The following NXPE2 variants were observed in gnomAD, a reference collection of about 807,000 sequenced individuals.
NXPE2 encodes NXPE family member 2.
Under a neutral mutation model 34.4 loss-of-function variants are expected in NXPE2, and 34 were observed. That is an observed-to-expected ratio of 0.99 (90% confidence interval 0.75 to 1.31). The LOEUF is 1.31. Ranked by LOEUF, NXPE2 falls within the 40% of genes most tolerant of loss-of-function variation. The pLI, the probability that NXPE2 is intolerant of heterozygous loss-of-function variation, is 0.00. For synonymous variants in NXPE2, 235 were observed against 231.3 expected, an observed-to-expected ratio of 1.02 and a Z score of -0.15; for missense variants, 649 against 672.5, an observed-to-expected ratio of 0.97 and a Z score of 0.39.
the NXPE2 span, among the ~76,000 whole-genome samples, chr11:114,532,678 G>C: frequency 4.6e-5 from 7 of 152,060 alleles, no homozygotes; most frequent in South Asian, 6.2e-4. Flanking sequence ...TTTATTCATG[G>C]AGATGACTTT....
upstream of NXPE2, among the ~76,000 whole-genome samples, chr11:114,677,140 G>T (rs1026819172): frequency 3.3e-5 from 5 of 152,060 alleles, no homozygotes; most frequent in Admixed American, 6.6e-5. Context: ...AATAGGGGAT[G>T]TTGGTCAGAA....
rs113492610 is a variant in NXPE2, at chr11:114,699,405, C to T, written c.866+627C>T. Among the ~76,000 whole-genome samples, 1,214 of 152,272 alleles carry T rather than the reference C, an allele frequency of 8.0e-3. 18 individuals are homozygous for T. The highest frequency in any genetic ancestry group is 0.027 in the African/African-American group (1,135 of 41,550). On this transcript the variant is annotated intron_variant, in intron 3 of 5. Coordinates refer to ENST00000389586, the MANE Select transcript of NXPE2 (RefSeq NM_182495.6). ...AATGCAGTTATGTCTTTTACTATTT[C>T]CTCCTTAAAAGCTTTAAGATGACCC... is the stretch of plus-strand genomic sequence containing the variant.
At chr11:114,627,894 A>C in the NXPE2 span, among the ~76,000 whole-genome samples, 1 of 151,812 alleles carries the variant, frequency 6.6e-6, no homozygotes, top group Non-Finnish European at 1.5e-5. Context: ...AACAGACTTT[A>C]AACCAACAAA....
the NXPE2 span, chr11:114,594,645 T>C: frequency 6.6e-7 from 1 of 1,516,064 alleles, no homozygotes; most frequent in Non-Finnish European, 9.1e-7. Context: ...GTAAACCACA[T>C]AAATAAAGCA....
chr11:114,706,520 T>C lies in NXPE2; in HGVS notation c.1270T>C (p.Ser424Pro), dbSNP rs1280730194. 3 of 1,551,838 alleles carry C rather than the reference T, an allele frequency of 1.9e-6. No homozygotes were observed. The highest frequency in any genetic ancestry group is 2.6e-6 in the Non-Finnish European group (3 of 1,146,982). ...TCCATTTGTTACCAAAAAATTATTC[T>C]CAGTGAAAGATGAAAACTATATCCC... The part of the protein sequence containing the change: ...GHPFVTKKLF[S>P]VKDENYIPRE... Residue 424 changes from serine (S) to proline (P), a missense_variant, in exon 6 of 6, where the codon TCA becomes CCA. Transcript: ENST00000389586.
the NXPE2 span, chr11:114,522,609 A>G: frequency 6.3e-6 from 6 of 948,458 alleles, no homozygotes; most frequent in South Asian, 1.8e-5. Flanking sequence ...ATAATTGCTC[A>G]CTGGAGCCTT....
chr11:114,698,615 C>T lies in NXPE2; in HGVS notation c.703C>T (p.Leu235=). The change falls in exon 3 of 6, where the codon CTA becomes TTA. Residue 235 remains leucine (L), a synonymous_variant. Coordinates refer to ENST00000389586, the MANE Select transcript of NXPE2 (RefSeq NM_182495.6). ...SNVFTECGLT[L]NTNAELCQYM... ...TGTCTTCACTGAATGTGGCCTGACCCTAAACACAAATGCTGAACTGTGCCA... is the reference window on the plus strand; with the variant it reads ...TGTCTTCACTGAATGTGGCCTGACCTTAAACACAAATGCTGAACTGTGCCA... 1 of 1,614,182 alleles carries T rather than the reference C, an allele frequency of 6.2e-7. No homozygotes were observed. Among genetic ancestry groups the T allele is most frequent in the Non-Finnish European group, 8.5e-7 (1 of 1,180,026 alleles).
At chr11:114,614,902 A>G in the NXPE2 span, among the ~76,000 whole-genome samples, 1 of 151,696 alleles carries the variant, frequency 6.6e-6, no homozygotes, top group South Asian at 2.1e-4. Context: ...CTCTAGGGTA[A>G]TCACTGTTAC....
chr11:114,515,244 A>G, the NXPE2 span, among the ~76,000 whole-genome samples: 1 of 152,044 alleles, frequency 6.6e-6, no homozygotes, highest in African/African-American at 2.4e-5. Flanking sequence ...GTTTGTTGTA[A>G]TAGTTGGATT....
chr11:114,630,229 A>T, the NXPE2 span, among the ~76,000 whole-genome samples: 75 of 151,978 alleles, frequency 4.9e-4, 1 homozygote, highest in South Asian at 0.015. Flanking sequence ...ATCCTGAGTC[A>T]AAAGAACAAA....
chr11:114,613,806 G>A, the NXPE2 span, among the ~76,000 whole-genome samples: 10 of 151,824 alleles, frequency 6.6e-5, no homozygotes, highest in South Asian at 4.1e-4. Context: ...TGGATAATAC[G>A]TCTTGCCTCA....
chr11:114,741,627 C>G, the NXPE2 span, among the ~76,000 whole-genome samples: 13 of 152,084 alleles, frequency 8.5e-5, no homozygotes, highest in Non-Finnish European at 1.6e-4. Context: ...CTATTTCATT[C>G]ATTATATTCT....
At chr11:114,527,568 T>A in the NXPE2 span, among the ~76,000 whole-genome samples, 1 of 152,194 alleles carries the variant, frequency 6.6e-6, no homozygotes, top group South Asian at 2.1e-4. Context: ...CAAAGACATT[T>A]GCACAGTGCC....
At chr11:114,600,032 A>G in the NXPE2 span, among the ~76,000 whole-genome samples, 14 of 152,312 alleles carry the variant, frequency 9.2e-5, no homozygotes, top group East Asian at 2.7e-3. Context: ...CAAATATGGC[A>G]AAAGTGAAGG....
At chr11:114,724,675 G>A in the NXPE2 span, among the ~76,000 whole-genome samples, 43,587 of 151,554 alleles carry the variant, frequency 0.29, 7,250 homozygotes, top group South Asian at 0.46. Context: ...CACACCCCCC[G>A]CCACCACCAA....
At chr11:114,559,513 C>G in the NXPE2 span, among the ~76,000 whole-genome samples, 2 of 152,106 alleles carry the variant, frequency 1.3e-5, no homozygotes, top group Non-Finnish European at 2.9e-5. Context: ...GCACTGGGGA[C>G]TTTTGCTGGT....
the NXPE2 span, among the ~76,000 whole-genome samples, chr11:114,592,949 G>A: frequency 6.6e-6 from 1 of 152,050 alleles, no homozygotes; most frequent in Non-Finnish European, 1.5e-5. Context: ...AAAATAGATG[G>A]TGCTGGAGAA....
At chr11:114,467,524 C>A in the NXPE2 span, among the ~76,000 whole-genome samples, 1 of 151,922 alleles carries the variant, frequency 6.6e-6, no homozygotes. Flanking sequence ...CCTAAATGAG[C>A]CCTGGAAATA....
At chr11:114,571,001 ATTATTTGTGC>A in the NXPE2 span, 1 of 1,613,250 alleles carries the variant, frequency 6.2e-7, no homozygotes, top group African/African-American at 1.3e-5. Context: ...GTGGGTGTAC[ATTATTTGTGC>A]CATATGCAAT....
Sources: gnomAD v4.1 joint callset for allele counts (sites outside exome capture counted in the v4.1 genomes callset) on GRCh38, gnomAD v4.1.1 for gene constraint, MANE v1.5 for transcripts, NCBI Gene and HGNC (gene_info 2026-07-23, HGNC 2026-07-21) for gene names.